Variants in COPB1 observed in about 807,000 individuals in gnomAD.
COPB1 encodes the protein coatomer subunit beta.
A neutral mutation model predicts 108.7 loss-of-function variants in COPB1; 21 were observed. That is an observed-to-expected ratio of 0.19 (90% CI 0.14 to 0.28). COPB1 has a LOEUF of 0.28. COPB1 is among the 10% of genes least tolerant of loss of function. COPB1 has a pLI of 1.00. For missense variants in COPB1, 919 were observed against 1,141.3 expected, an observed-to-expected ratio of 0.81 and a Z score of 2.81; for synonymous variants, 378 against 386.8, an observed-to-expected ratio of 0.98 and a Z score of 0.27.
intron 8 of COPB1, 130 bp from the exon 9 acceptor site, chr11:14,481,227 G>C: frequency 3.0e-6 from 2 of 663,258 alleles, no homozygotes; most frequent in Non-Finnish European, 5.1e-6. Flanking sequence ...ACCACTAGTG[G>C]TGGAAGAACT....
intron 18 of COPB1, among the ~76,000 whole-genome samples, chr11:14,464,347 C>T (rs1319327987): frequency 6.6e-6 from 1 of 152,170 alleles, no homozygotes; most frequent in Non-Finnish European, 1.5e-5. Context: ...ACAGTACTTA[C>T]CATTACATAC....
At chr11:14,459,209 TAAATAG>T (rs1351646493) in intron 20 of COPB1, among the ~76,000 whole-genome samples, 2 of 151,686 alleles carry the variant, frequency 1.3e-5, no homozygotes, top group African/African-American at 4.8e-5. Context: ...TGATGTTAAA[TAAATAG>T]TTCTTAATCC....
chr11:14,468,651 T>C, intron 16 of COPB1, 30 bp downstream of exon 16: 6 of 1,595,912 alleles, frequency 3.8e-6, no homozygotes, highest in East Asian at 2.2e-5. Flanking sequence ...TCGATTTAAA[T>C]AATTTAGAGT....
intron 11 of COPB1, 76 bp from the exon 12 acceptor site, chr11:14,477,091 G>T: frequency 9.1e-7 from 1 of 1,102,398 alleles, no homozygotes; most frequent in Non-Finnish European, 1.4e-6. Context: ...GTTAATTTAA[G>T]CTCAAATAAA....
chr11:14,485,835 C>T (rs527918441), intron 7 of COPB1, among the ~76,000 whole-genome samples: 88 of 152,072 alleles, frequency 5.8e-4, no homozygotes, highest in African/African-American at 2.1e-3. Context: ...AAAGCAATAC[C>T]TTGTCTCAAA....
rs1200152274 is a variant in COPB1, at chr11:14,469,320, A to C, written c.1965+16T>G. On this transcript the variant is annotated intron_variant, in intron 15 of 21. Coordinates refer to ENST00000439561, the MANE Select transcript of COPB1 (RefSeq NM_001144061.2). ...AGACACAAAACACTTTTGTTGCCTC[A>C]TCATATATACCTTACCTTTTGGGAT... 6.3e-7 allele frequency: 1 copy of C among 1,599,080 alleles called. No individual in the cohort carries two copies. Among genetic ancestry groups the C allele is most frequent in the East Asian group, 2.2e-5 (1 of 44,760 alleles).
chr11:14,466,208 C>A, intron 17 of COPB1, 74 bp downstream of exon 17: 1 of 1,379,594 alleles, frequency 7.2e-7, no homozygotes, highest in South Asian at 1.5e-5. Flanking sequence ...ATACTGAAAC[C>A]TGTGCACCTC....
chr11:14,477,671 G>C (rs1850558074), intron 11 of COPB1, among the ~76,000 whole-genome samples: 1 of 152,036 alleles, frequency 6.6e-6, no homozygotes, highest in Non-Finnish European at 1.5e-5. Context: ...GAGGCGGGCG[G>C]ATCACCTGAG....
At chr11:14,484,028 CT>C (rs1310030321) in intron 7 of COPB1, among the ~76,000 whole-genome samples, 3 of 152,170 alleles carry the variant, frequency 2.0e-5, no homozygotes, top group Admixed American at 6.5e-5. Context: ...TCATGTACTC[CT>C]TGGTAAGATA....
In COPB1 at chr11:14,460,253, C is replaced by T; in HGVS notation, c.2601G>A (p.Gln867=). ...TNMVDLNDYL[Q]HILKSTNMKC... The stretch of plus-strand genomic sequence containing the variant: ...TCATATTGGTTGACTTTAATATGTG[C>T]TGTAAGTAGTCATTTAAATCAACCA... Residue 867 remains glutamine, a synonymous_variant, in exon 20 of 22, where the codon CAG becomes CAA. Coordinates refer to ENST00000439561, the MANE Select transcript of COPB1 (RefSeq NM_001144061.2). 6.2e-7 allele frequency: 1 copy of T among 1,611,662 alleles called. No individual in the cohort carries two copies.
rs774409441 is a variant in COPB1 at position 14,479,597 on chromosome 11, C to G, written c.1330G>C (p.Glu444Gln). The change falls in exon 11 of 22, where the codon GAA becomes CAA. Residue 444 changes from glutamate to glutamine, a missense_variant. Physicochemically the swap from Glu to Gln is conservative, Grantham distance 29. This residue lies in a region of COPB1 where 705 missense variants were observed against 817.8 expected (regional missense o/e 0.86). Transcript: ENST00000439561. The stretch of plus-strand genomic sequence containing the variant: ...ACAGATTTAATAGCATGAAAGACTT[C>G]AAGCATCTTCTCAACAATAAGCATT... ...LRMLIVEKML[E>Q]VFHAIKSVKI... 6.2e-7 allele frequency: 1 copy of G among 1,611,930 alleles called. No individual in the cohort carries two copies. Among genetic ancestry groups the G allele is most frequent in the Non-Finnish European group, 8.5e-7 (1 of 1,179,258 alleles).
chr11:14,469,331 C>T lies in COPB1; in HGVS notation c.1965+5G>A, dbSNP rs1021214288. ...ACTTTTGTTGCCTCATCATATATAC[C>T]TTACCTTTTGGGATAATTTCTCTTC... On this transcript the variant is annotated splice_donor_5th_base_variant and intron_variant, in intron 15 of 21. Transcript: ENST00000439561. 2 of 1,611,188 alleles carry T rather than the reference C, an allele frequency of 1.2e-6. No individual in the cohort carries two copies. Among genetic ancestry groups the T allele is most frequent in the Non-Finnish European group, 1.7e-6 (2 of 1,177,534 alleles).
At chr11:14,493,869 T>C (rs1850961570) in intron 3 of COPB1, 58 bp from the exon 4 acceptor site, 2 of 1,367,100 alleles carry the variant, frequency 1.5e-6, no homozygotes, top group African/African-American at 1.5e-5. Context: ...AAAAGAAAAT[T>C]TTAATGCAAA....
chr11:14,469,167 T>C (rs1359135358), intron 15 of COPB1, among the ~76,000 whole-genome samples, 169 bp downstream of exon 15: 1 of 152,026 alleles, frequency 6.6e-6, no homozygotes, highest in East Asian at 1.9e-4. Context: ...GCTAATTTTC[T>C]CATTTTTTTT....
Position 14,490,611 on chromosome 11 carries a change from G to C in COPB1, c.560C>G (p.Ala187Gly). 6.2e-7 allele frequency: 1 copy of C among 1,613,050 alleles called. No homozygotes were observed. The highest frequency in any genetic ancestry group is 8.5e-7 in the Non-Finnish European group (1 of 1,179,576). ...IHDFLVNEKD[A>G]SCKRNAFMML... is the part of the protein sequence containing the mutation. ...CATAAATGCATTCCTTTTGCAACTTGCATCCTTCTCATTCACCAGAAAATC... is the reference window on the plus strand; with the variant it reads ...CATAAATGCATTCCTTTTGCAACTTCCATCCTTCTCATTCACCAGAAAATC... Residue 187 changes from alanine (A) to glycine (G), a missense_variant, in exon 5 of 22, where the codon GCA (alanine) becomes GGA (glycine). Physicochemically the swap from Ala to Gly is moderately conservative, Grantham distance 60. Around this residue, in one of 5 missense-constraint regions of COPB1, gnomAD observed 78 missense variants for 95.4 expected, o/e 0.82. Coordinates refer to ENST00000439561, the MANE Select transcript of COPB1 (RefSeq NM_001144061.2).
intron 18 of COPB1, among the ~76,000 whole-genome samples, chr11:14,462,517 C>T (rs1305516642): frequency 2.0e-5 from 3 of 152,140 alleles, no homozygotes; most frequent in African/African-American, 7.2e-5. Context: ...CAGGCATGAG[C>T]CACTGTGCCC....
At chr11:14,484,367 C>A (rs1850724001) in intron 7 of COPB1, among the ~76,000 whole-genome samples, 1 of 152,084 alleles carries the variant, frequency 6.6e-6, no homozygotes, top group Non-Finnish European at 1.5e-5. Flanking sequence ...GTAGTTTTGA[C>A]AATTATATGA....
intron 14 of COPB1, among the ~76,000 whole-genome samples, chr11:14,470,946 T>A (rs11023235): frequency 0.066 from 5,045 of 76,412 alleles, 85 homozygotes; most frequent in African/African-American, 0.14. Context: ...ACACACACAC[T>A]CTCTCTCTCT....
At chr11:14,494,884 T>C (rs576609823) in intron 2 of COPB1, among the ~76,000 whole-genome samples, 2 of 152,334 alleles carry the variant, frequency 1.3e-5, no homozygotes, top group African/African-American at 4.8e-5. Context: ...GATAAATATG[T>C]AACTTTTTTA....
Sources: allele counts gnomAD v4.1 joint callset (sites outside exome capture counted in the v4.1 genomes callset), GRCh38; gene constraint gnomAD v4.1.1; regional missense constraint gnomAD v4.1.1; transcripts MANE v1.5; gene names NCBI Gene and HGNC (gene_info 2026-07-23, HGNC 2026-07-21).